ACSL1: variants seen among roughly 807,000 people sequenced by gnomAD.
ACSL1 encodes the protein acyl-CoA synthetase long chain family member 1.
In ACSL1, 41 loss-of-function variants were observed where a neutral mutation model predicts 98.4. The ratio of observed to expected loss-of-function variants is 0.42; its 90% CI spans 0.32 to 0.54. The LOEUF is 0.54. Among genes scored for constraint, ACSL1 ranks in the 20% least tolerant of loss-of-function variants. The pLI, the probability that ACSL1 is intolerant of heterozygous loss-of-function variation, is 0.13. For missense variants in ACSL1, 734 were observed against 883.1 expected, an observed-to-expected ratio of 0.83 and a Z score of 2.14; for synonymous variants, 316 against 322.7, an observed-to-expected ratio of 0.98 and a Z score of 0.22.
At chr4:184,804,080 C>T (rs868203589) in intron 1 of ACSL1, among the ~76,000 whole-genome samples, 1 of 152,194 alleles carries the variant, frequency 6.6e-6, no homozygotes, top group African/African-American at 2.4e-5. Flanking sequence ...CTTCTGTACT[C>T]CTCACACGAC....
chr4:184,813,159 T>A (rs115559783), intron 1 of ACSL1, among the ~76,000 whole-genome samples: 3,103 of 152,276 alleles, frequency 0.02, 58 homozygotes, highest in Non-Finnish European at 0.036. Context: ...CATGACGATA[T>A]CCAGGTCATG....
At chr4:184,785,613 G>GT (rs1767118599) in intron 3 of ACSL1, among the ~76,000 whole-genome samples, 1 of 76,630 alleles carries the variant, frequency 1.3e-5, no homozygotes, top group Non-Finnish European at 2.8e-5. Context: ...GGGCGGGGGG[G>GT]GGGGGGGGAA....
At position 184,757,385 on chromosome 4, in the gene ACSL1, C is replaced by T; in HGVS notation, c.1957-120G>A. ...CATCCAATCCATCCTCTCATTTCAG[C>T]CAAGCTGCACCTTCTCAACAAAGGA... is the stretch of plus-strand genomic sequence containing the variant. On this transcript the variant is annotated intron_variant, in intron 20 of 20. Transcript: ENST00000281455. The surrounding 1 kb of genome is among the most constrained non-coding windows in gnomAD (Gnocchi z 4.5). 1 of 1,270,014 alleles carries T rather than the reference C, an allele frequency of 7.9e-7. No individual in the cohort carries two copies. The highest frequency in any genetic ancestry group is 1.1e-6 in the Non-Finnish European group (1 of 932,140). 78.7% of individuals were successfully genotyped at this position (1,270,014 alleles called of 1,614,324 possible). A position where few individuals can be genotyped will look rare whatever the true frequency, so the allele number is the denominator to read the frequency against.
At chr4:184,762,811 T>G (rs1763041849) in intron 16 of ACSL1, among the ~76,000 whole-genome samples, 1 of 152,336 alleles carries the variant, frequency 6.6e-6, no homozygotes, top group African/African-American at 2.4e-5. Flanking sequence ...AAATCACTTT[T>G]AAGTAATTAG....
rs568913932 is a variant in ACSL1 at position 184,816,015 on chromosome 4, GA to G, written c.-33+9900del. 1.6e-4 allele frequency among the ~76,000 whole-genome samples: 25 copies of G among 152,162 alleles called. No individual in the cohort carries two copies. The South Asian group carries it at 3.7e-3, about 23-fold the overall frequency. ...ACACACCTGTAGTCCCGGCTACTCG[GA>G]GGCTGAGGCAGGAGAGTCGATTGAA... On this transcript the variant is annotated intron_variant, in intron 1 of 20. Coordinates refer to ENST00000281455, the MANE Select transcript of ACSL1 (RefSeq NM_001995.5).
At chr4:184,776,447 A>G in intron 7 of ACSL1, 37 bp downstream of exon 7, 1 of 1,593,034 alleles carries the variant, frequency 6.3e-7, no homozygotes, top group African/African-American at 1.3e-5. Flanking sequence ...GGCCCCAGGG[A>G]AAGCCTTCAG....
chr4:184,785,606 CG>C (rs796880571), intron 3 of ACSL1, among the ~76,000 whole-genome samples: 43 of 6,418 alleles, frequency 6.7e-3, no homozygotes, highest in African/African-American at 0.015. Flanking sequence ...TGGGCGGGGG[CG>C]GGGGGGGGGG....
Position 184,763,170 on chromosome 4 carries a change from G to T in ACSL1, c.1518C>A (p.Gly506=). The T allele has an allele frequency of 6.2e-7, 1 of 1,613,090 alleles. No individual in the cohort carries two copies. The highest frequency in any genetic ancestry group is 1.1e-5 in the South Asian group (1 of 90,818). ...EMNYMAAEGE[G]EVCVKGPNVF... ...ATGACTGACGGTTTTCACTCACCTC[G>T]CCCTCGCCCTCGGCAGCCATGTAAT... Residue 506 remains glycine (G), a synonymous_variant, in exon 16 of 21, where the codon GGC becomes GGA. Coordinates refer to ENST00000281455, the MANE Select transcript of ACSL1 (RefSeq NM_001995.5).
Position 184,773,974 on chromosome 4 carries a change from T to A in ACSL1, c.757-99A>T. ...CTTAAAGCTGGCTTTACTGTGGGGT[T>A]CATTCACACCTGGCTCGAAAACAGC... On this transcript the variant is annotated intron_variant, in intron 7 of 20. Transcript: ENST00000281455. The surrounding 1 kb of genome is among the most constrained non-coding windows in gnomAD (Gnocchi z 4.3). The A allele has an allele frequency of 1.5e-6, 2 of 1,346,362 alleles. No individual in the cohort carries two copies. Among genetic ancestry groups the A allele is most frequent in the Admixed American group, 3.7e-5 (2 of 53,640 alleles). 83.4% of individuals were successfully genotyped at this position (1,346,362 alleles called of 1,614,324 possible).
At chr4:184,762,666 G>A (rs961816285) in intron 16 of ACSL1, 143 bp from the exon 17 acceptor site, 1 of 716,340 alleles carries the variant, frequency 1.4e-6, no homozygotes, top group Non-Finnish European at 2.4e-6. Context: ...AGTTACCAGA[G>A]CCCCACCAGG....
rs11550466 is a variant in ACSL1 at position 184,803,473 on chromosome 4, C to T, written c.42G>A (p.Glu14=). ...GCACGTACTGTCGGAAGTCAACCAG[C>T]TCTGGCATTCGAAAATACCGGAACA... ...HELFRYFRMP[E]LVDFRQYVRT... Residue 14 remains glutamate, a synonymous_variant, in exon 2 of 21, where the codon GAG becomes GAA. Coordinates refer to ENST00000281455, the MANE Select transcript of ACSL1 (RefSeq NM_001995.5). This position sits in a 1 kb window ranked among gnomAD's most constrained non-coding sequence, Gnocchi z 4.8. The T allele has an allele frequency of 3.7e-6, 6 of 1,608,876 alleles. No homozygotes were observed. In the Middle Eastern group the frequency reaches 5.0e-4, roughly 133 times the overall value.
intron 1 of ACSL1, among the ~76,000 whole-genome samples, chr4:184,804,351 G>A (rs766119382): frequency 2.0e-5 from 3 of 152,108 alleles, no homozygotes; most frequent in African/African-American, 7.2e-5. Context: ...AAGCCGAGGC[G>A]GGTGGATCAC....
In ACSL1 at chr4:184,825,574, G is replaced by A. The variant is rs1773411535; in HGVS notation, c.-33+342C>T. Among the ~76,000 whole-genome samples, 1 of 151,382 alleles carries A rather than the reference G, an allele frequency of 6.6e-6. No individual in the cohort carries two copies. The highest frequency in any genetic ancestry group is 2.4e-5 in the African/African-American group (1 of 41,366). ...TCCTCCCAGCCGAAGCGCGGCCTCC[G>A]GCTGCTTCGCCGGGCCGGTCCCCGC... is the stretch of plus-strand genomic sequence containing the variant. On this transcript the variant is annotated intron_variant, in intron 1 of 20. Coordinates refer to ENST00000281455, the MANE Select transcript of ACSL1 (RefSeq NM_001995.5). This position sits in a 1 kb window ranked among gnomAD's most constrained non-coding sequence, Gnocchi z 4.7.
chr4:184,777,684 G>C (rs943377356), intron 5 of ACSL1, among the ~76,000 whole-genome samples: 2 of 152,180 alleles, frequency 1.3e-5, no homozygotes, highest in African/African-American at 4.8e-5. Context: ...TTATCAGACA[G>C]GGACTGACCC....
intron 1 of ACSL1, among the ~76,000 whole-genome samples, chr4:184,804,165 G>T (rs1185093210): frequency 6.6e-6 from 1 of 152,208 alleles, no homozygotes; most frequent in Non-Finnish European, 1.5e-5. Flanking sequence ...CACTCCCCAA[G>T]ACATTATAGC....
chr4:184,801,294 T>C (rs1486627216), intron 2 of ACSL1, among the ~76,000 whole-genome samples: 1 of 152,220 alleles, frequency 6.6e-6, no homozygotes, highest in Non-Finnish European at 1.5e-5. Context: ...AAGTGCGGAT[T>C]CTTCTCATTT....
chr4:184,775,953 G>A (rs1439989797), intron 7 of ACSL1, among the ~76,000 whole-genome samples: 3 of 152,066 alleles, frequency 2.0e-5, no homozygotes, highest in East Asian at 1.9e-4. Flanking sequence ...GGACCACCAC[G>A]CTCATTCTCC....
chr4:184,818,090 G>T (rs1772777279), intron 1 of ACSL1, among the ~76,000 whole-genome samples: 1 of 152,180 alleles, frequency 6.6e-6, no homozygotes. Flanking sequence ...ACTGTGAGGT[G>T]CCTGGCTGGG....
chr4:184,795,467 C>CT (rs1237020542), intron 2 of ACSL1, among the ~76,000 whole-genome samples: 1 of 152,134 alleles, frequency 6.6e-6, no homozygotes, highest in East Asian at 1.9e-4. Context: ...CTGTAGTGAC[C>CT]TTTAGCTTTT....
Sources: gnomAD v4.1 joint callset for allele counts (sites outside exome capture counted in the v4.1 genomes callset) on GRCh38, gnomAD v4.1.1 for gene constraint, Gnocchi (gnomAD v3.1) non-coding constraint, MANE v1.5 for transcripts, NCBI Gene and HGNC (gene_info 2026-07-23, HGNC 2026-07-21) for gene names.